The following AKAP6 variants were observed in gnomAD, a reference collection of about 807,000 sequenced individuals.
AKAP6 encodes the protein A-kinase anchor protein 6.
In AKAP6, 58 loss-of-function variants were observed where a neutral mutation model predicts 188.5. The ratio of observed to expected loss-of-function variants is 0.31; its 90% CI spans 0.25 to 0.38. AKAP6 has a LOEUF of 0.38. Among genes scored for constraint, AKAP6 ranks in the 10% least tolerant of loss-of-function variants. AKAP6 has a pLI of 1.00. For synonymous variants in AKAP6, 989 were observed against 998.6 expected, an observed-to-expected ratio of 0.99 and a Z score of 0.18; for missense variants, 2,710 against 2,740.0, an observed-to-expected ratio of 0.99 and a Z score of 0.24.
At chr14:32,550,056 C>T (rs1452394614) in intron 4 of AKAP6, among the ~76,000 whole-genome samples, 1 of 152,208 alleles carries the variant, frequency 6.6e-6, no homozygotes, top group African/African-American at 2.4e-5. Flanking sequence ...ATTCAGGAGC[C>T]ATTCAGTGAT....
At chr14:32,437,115 G>A (rs868739326) in intron 2 of AKAP6, among the ~76,000 whole-genome samples, 2 of 152,132 alleles carry the variant, frequency 1.3e-5, no homozygotes, top group East Asian at 1.9e-4. Context: ...CATTGGGTTT[G>A]TTCTTGTCTG....
At chr14:32,786,296 A>ATGTTTTTTTGTTTTTTTTTTTTTTTTTT in intron 12 of AKAP6, among the ~76,000 whole-genome samples, 1 of 93,706 alleles carries the variant, frequency 1.1e-5, no homozygotes, top group East Asian at 3.0e-4. Context: ...CTAAACCTTT[A>ATGTTTTTTTGTTTTTTTTTTTTTTTTTT]TCTTTTTTTT....
At chr14:32,662,329 A>G (rs1251240967) in intron 7 of AKAP6, among the ~76,000 whole-genome samples, 1 of 152,116 alleles carries the variant, frequency 6.6e-6, no homozygotes, top group Non-Finnish European at 1.5e-5. Flanking sequence ...GTGAAGTAGC[A>G]GATTGCCAAT....
intron 1 of AKAP6, among the ~76,000 whole-genome samples, chr14:32,397,377 C>CTTTT (rs60314050): frequency 7.7e-6 from 1 of 130,342 alleles, no homozygotes; most frequent in African/African-American, 2.9e-5. Flanking sequence ...TTTTTATTGT[C>CTTTT]TTTTTTTTTT....
chr14:32,345,785 C>T (rs1887046432), intron 1 of AKAP6, among the ~76,000 whole-genome samples: 1 of 152,106 alleles, frequency 6.6e-6, no homozygotes. Context: ...AGAGCTCTTC[C>T]ACTAAAGAAT....
Position 32,505,155 on chromosome 14 carries a change from TAAC to T in AKAP6, c.325-30397_325-30395del, listed in dbSNP as rs574754613. Among the ~76,000 whole-genome samples, 38 of 152,270 alleles carry T rather than the reference TAAC, an allele frequency of 2.5e-4. No homozygotes were observed. In the East Asian group the frequency reaches 7.0e-3, roughly 28 times the overall value. On this transcript the variant is annotated intron_variant, in intron 2 of 13. Transcript: ENST00000280979. ...CCAGATAGGCACAGCAAACTTCAAATAACATAATCATAACTCTTAGAGCCCACT... is the reference window on the plus strand; with the variant it reads ...CCAGATAGGCACAGCAAACTTCAAATATAATCATAACTCTTAGAGCCCACT...
At chr14:32,675,638 A>G (rs1889393437) in intron 7 of AKAP6, among the ~76,000 whole-genome samples, 1 of 152,246 alleles carries the variant, frequency 6.6e-6, no homozygotes, top group Admixed American at 6.5e-5. Context: ...GGAATGAATC[A>G]CTGAAAACAG....
At chr14:32,792,864 T>C (rs1241399589) in intron 12 of AKAP6, among the ~76,000 whole-genome samples, 1 of 152,190 alleles carries the variant, frequency 6.6e-6, no homozygotes, top group East Asian at 1.9e-4. Flanking sequence ...TCTGCTTCTA[T>C]TGAGATAATC....
intron 7 of AKAP6, among the ~76,000 whole-genome samples, chr14:32,657,417 G>T (rs376817214): frequency 6.6e-6 from 1 of 152,138 alleles, no homozygotes; most frequent in African/African-American, 2.4e-5. Context: ...AAATCTGTGA[G>T]TGCTGCTCCC....
At chr14:32,786,007 C>T (rs1213186195) in intron 12 of AKAP6, among the ~76,000 whole-genome samples, 1 of 152,180 alleles carries the variant, frequency 6.6e-6, no homozygotes, top group Middle Eastern at 3.2e-3. Flanking sequence ...GTCCAATTCA[C>T]TCCCAGATTT....
chr14:32,681,665 T>C, intron 8 of AKAP6, among the ~76,000 whole-genome samples: 1 of 149,064 alleles, frequency 6.7e-6, no homozygotes, highest in East Asian at 2.0e-4. Context: ...AACTCATTCA[T>C]TAATTTGACA....
chr14:32,448,551 C>T (rs1890832790), intron 2 of AKAP6, among the ~76,000 whole-genome samples: 1 of 152,148 alleles, frequency 6.6e-6, no homozygotes, highest in Non-Finnish European at 1.5e-5. Flanking sequence ...AATCACACAA[C>T]TACAAAGTGG....
chr14:32,701,913 A>T (rs72669810), intron 9 of AKAP6, among the ~76,000 whole-genome samples: 17,694 of 151,908 alleles, frequency 0.12, 1,317 homozygotes, highest in Middle Eastern at 0.18. Context: ...TTAACTTTTT[A>T]AAAAAAAATT....
At chr14:32,721,567 G>C (rs1228070895) in intron 9 of AKAP6, among the ~76,000 whole-genome samples, 1 of 152,164 alleles carries the variant, frequency 6.6e-6, no homozygotes, top group African/African-American at 2.4e-5. Flanking sequence ...AGGATGGATT[G>C]AAGACAGTTT....
intron 1 of AKAP6, among the ~76,000 whole-genome samples, chr14:32,359,579 T>G (rs905830968): frequency 6.7e-6 from 1 of 149,088 alleles, no homozygotes; most frequent in Admixed American, 6.7e-5. Context: ...TTTTTTTTCA[T>G]TAATACCCTC....
At chr14:32,371,511 G>A (rs1274769744) in intron 1 of AKAP6, among the ~76,000 whole-genome samples, 4 of 152,206 alleles carry the variant, frequency 2.6e-5, no homozygotes, top group African/African-American at 9.7e-5. Flanking sequence ...GCAGGCTGAA[G>A]CTGGGGGATT....
rs1446669801 is a variant in AKAP6, at chr14:32,830,208, C to T, written c.*403C>T. The stretch of plus-strand genomic sequence containing the variant: ...ATTAAATTCTCCTGTCTAGAATGAC[C>T]CCCCCACCAGTACTTGACCAATTTC... On this transcript the variant is annotated 3_prime_UTR_variant, in exon 14 of 14. Coordinates refer to ENST00000280979, the MANE Select transcript of AKAP6 (RefSeq NM_004274.5). The T allele has an allele frequency of 6.7e-6, 3 of 446,678 alleles. No individual in the cohort carries two copies. The highest frequency in any genetic ancestry group is 1.2e-5 in the Non-Finnish European group (3 of 252,398). 27.7% of individuals were successfully genotyped at this position (446,678 alleles called of 1,614,324 possible). A position where few individuals can be genotyped will look rare whatever the true frequency, so the allele number is the denominator to read the frequency against.
intron 1 of AKAP6, among the ~76,000 whole-genome samples, chr14:32,337,853 C>A (rs1886762792): frequency 6.6e-6 from 1 of 151,352 alleles, no homozygotes; most frequent in Non-Finnish European, 1.5e-5. Context: ...GATAACATAA[C>A]CAGCATAAGG....
rs529807658 is a variant in AKAP6, at chr14:32,444,808, T to G, written c.324+10991T>G. On this transcript the variant is annotated intron_variant, in intron 2 of 13. Transcript: ENST00000280979. ...TCTATTAAAAGCCTCTATAAAGTAA[T>G]TCAAGCAGTAGTATTAACAACAGCT... Among the ~76,000 whole-genome samples the G allele has an allele frequency of 2.6e-5, 4 of 152,284 alleles. No individual in the cohort carries two copies. In the East Asian group the frequency reaches 7.7e-4, roughly 29 times the overall value.
Sources: gnomAD v4.1 joint callset for allele counts (sites outside exome capture counted in the v4.1 genomes callset) on GRCh38, gnomAD v4.1.1 for gene constraint, MANE v1.5 for transcripts, NCBI Gene and HGNC (gene_info 2026-07-23, HGNC 2026-07-21) for gene names.